ANO4: variants seen among roughly 807,000 people sequenced by gnomAD.
ANO4 encodes anoctamin 4, also known as anoctamin-4.
In ANO4, 69 loss-of-function variants were observed where a neutral mutation model predicts 141.9. The observed-to-expected ratio is 0.49, with a 90% confidence interval of 0.40 to 0.59. The LOEUF (loss-of-function observed/expected upper bound fraction) is 0.59, where lower values mean the gene tolerates loss of function less well. Ranked by LOEUF, ANO4 falls within the 20% of genes least tolerant of loss-of-function variation. ANO4 has a pLI of 0.00. For missense variants in ANO4, 894 were observed against 1,162.2 expected (o/e 0.77, Z 3.36); for synonymous variants, 350 against 394.3 (o/e 0.89, Z 1.33).
At chr12:100,970,557 G>T (rs1327221792) in intron 5 of ANO4, among the ~76,000 whole-genome samples, 1 of 152,124 alleles carries the variant, frequency 6.6e-6, no homozygotes, top group African/African-American at 2.4e-5. Context: ...TTGTCCAGAT[G>T]AGTATGTAGC....
intron 3 of ANO4, among the ~76,000 whole-genome samples, chr12:100,934,597 C>G (rs542562867): frequency 2.0e-5 from 3 of 151,882 alleles, no homozygotes; most frequent in African/African-American, 7.2e-5. Flanking sequence ...TCCATATGAA[C>G]TTTAAAGTAG....
At chr12:100,841,097 A>G (rs2037222769) in intron 1 of ANO4, among the ~76,000 whole-genome samples, 3 of 152,206 alleles carry the variant, frequency 2.0e-5, no homozygotes, top group South Asian at 2.1e-4. Context: ...GCCTCATCAT[A>G]TAGTTACTGA....
intron 3 of ANO4, among the ~76,000 whole-genome samples, chr12:100,761,393 A>C (rs954251553): frequency 6.6e-6 from 1 of 152,214 alleles, no homozygotes; most frequent in African/African-American, 2.4e-5. Context: ...ATAACAAAAG[A>C]ATACAAAATG....
At chr12:100,929,161 GTTA>G (rs574855527) in intron 3 of ANO4, among the ~76,000 whole-genome samples, 145 of 151,942 alleles carry the variant, frequency 9.5e-4, no homozygotes, top group African/African-American at 3.0e-3. Flanking sequence ...TGTACAATAA[GTTA>G]TTATTGACTC....
intron 1 of ANO4, among the ~76,000 whole-genome samples, chr12:100,838,529 C>T (rs1189319539): frequency 1.3e-5 from 2 of 152,132 alleles, no homozygotes; most frequent in Non-Finnish European, 2.9e-5. Context: ...AAAGAGATTA[C>T]AGCTGAATAG....
At chr12:100,967,044 A>AC (rs1277921033) in intron 5 of ANO4, among the ~76,000 whole-genome samples, 9 of 152,162 alleles carry the variant, frequency 5.9e-5, no homozygotes, top group African/African-American at 1.9e-4. Context: ...TATTAAATAG[A>AC]AGGTTTTCAG....
At chr12:100,856,550 A>G (rs540328257) in intron 1 of ANO4, among the ~76,000 whole-genome samples, 38 of 152,298 alleles carry the variant, frequency 2.5e-4, no homozygotes, top group African/African-American at 8.9e-4. Context: ...AATGATAGAA[A>G]TGAGTAAAGG....
intron 1 of ANO4, among the ~76,000 whole-genome samples, chr12:100,814,735 G>C (rs1016268423): frequency 2.6e-5 from 4 of 152,094 alleles, no homozygotes; most frequent in African/African-American, 9.7e-5. Context: ...TCCATAATAT[G>C]TATGAGGTTG....
chr12:100,840,599 T>C (rs974035770), intron 1 of ANO4, among the ~76,000 whole-genome samples: 10 of 152,168 alleles, frequency 6.6e-5, no homozygotes, highest in Non-Finnish European at 1.5e-4. Flanking sequence ...TTGAATTGTT[T>C]CAGAGGTTGG....
intron 3 of ANO4, among the ~76,000 whole-genome samples, chr12:100,760,976 T>C (rs1351392021): frequency 6.6e-6 from 1 of 152,208 alleles, no homozygotes; most frequent in Non-Finnish European, 1.5e-5. Flanking sequence ...ATCCTATGTA[T>C]CTTAACTTTC....
At chr12:101,068,915 T>C (rs1345698457) in intron 14 of ANO4, 4 of 818,014 alleles carry the variant, frequency 4.9e-6, no homozygotes, top group African/African-American at 1.7e-5. Context: ...CGATACTACA[T>C]GCTCAACATC....
At chr12:100,891,867 T>G (rs989081364) in intron 1 of ANO4, among the ~76,000 whole-genome samples, 1 of 152,198 alleles carries the variant, frequency 6.6e-6, no homozygotes, top group African/African-American at 2.4e-5. Context: ...TTATTTCTCC[T>G]GTCTAAATGA....
intron 26 of ANO4, among the ~76,000 whole-genome samples, chr12:101,121,802 G>A (rs557567410): frequency 3.0e-4 from 38 of 128,162 alleles, no homozygotes; most frequent in South Asian, 2.4e-3. Flanking sequence ...TCTCTCTGTC[G>A]CCCAGGCTGG....
chr12:100,901,925 C>A, intron 2 of ANO4, 85 bp downstream of exon 2: 2 of 1,285,282 alleles, frequency 1.6e-6, no homozygotes, highest in Non-Finnish European at 2.1e-6. Flanking sequence ...TGTAAATATG[C>A]CATACTTTCA....
chr12:100,994,996 C>T (rs971130490), intron 8 of ANO4, among the ~76,000 whole-genome samples: 1 of 152,144 alleles, frequency 6.6e-6, no homozygotes, highest in Non-Finnish European at 1.5e-5. Context: ...CACCCAACAG[C>T]TCCCCACAAC....
At chr12:101,081,669 C>T (rs1411215718) in intron 15 of ANO4, among the ~76,000 whole-genome samples, 1 of 152,182 alleles carries the variant, frequency 6.6e-6, no homozygotes, top group Non-Finnish European at 1.5e-5. Context: ...GTACCACAGA[C>T]TGGGTGGCTT....
intron 8 of ANO4, among the ~76,000 whole-genome samples, chr12:100,997,785 A>T (rs2136384990): frequency 6.6e-6 from 1 of 152,268 alleles, no homozygotes; most frequent in Non-Finnish European, 1.5e-5. Context: ...TGACTCTGAA[A>T]TAAAATTCTT....
chr12:100,967,256 TC>T (rs1210495962), intron 5 of ANO4, among the ~76,000 whole-genome samples: 1 of 152,122 alleles, frequency 6.6e-6, no homozygotes, highest in Non-Finnish European at 1.5e-5. Context: ...ATGAAACAAC[TC>T]TATGTTTCAT....
At chr12:101,093,220 A>G (rs149207817) in intron 17 of ANO4, among the ~76,000 whole-genome samples, 361 of 152,342 alleles carry the variant, frequency 2.4e-3, no homozygotes, top group Non-Finnish European at 4.0e-3. Context: ...GGAGTCATAC[A>G]TACAGATTAT....
Sources: gnomAD v4.1 joint callset for allele counts (sites outside exome capture counted in the v4.1 genomes callset) on GRCh38, gnomAD v4.1.1 for gene constraint, MANE v1.5 for transcripts, NCBI Gene and HGNC (gene_info 2026-07-23, HGNC 2026-07-21) for gene names.